Variants in CBX5 observed in about 807,000 individuals in gnomAD.
CBX5 encodes chromobox 5.
CBX5 carries 7 observed loss-of-function variants against 20.7 expected under a neutral mutation model. That is an observed-to-expected ratio of 0.34 (90% CI 0.19 to 0.63). The LOEUF (loss-of-function observed/expected upper bound fraction) is 0.63, where lower values mean the gene tolerates loss of function less well. CBX5 is among the 30% of genes least tolerant of loss of function. The pLI is 0.75. For synonymous variants in CBX5, 78 were observed against 77.0 expected (o/e 1.01, Z -0.07); for missense variants, 110 against 224.1 (o/e 0.49, Z 3.25).
chr12:54,257,835 A>G (rs1943877548), intron 1 of CBX5, 143 bp from the exon 2 acceptor site: 4 of 594,536 alleles, frequency 6.7e-6, no homozygotes, highest in East Asian at 2.8e-5. Flanking sequence ...GATGAGTCCT[A>G]AGAGTTTAAT....
chr12:54,256,074 A>C (rs1943860357), intron 2 of CBX5, among the ~76,000 whole-genome samples: 1 of 152,230 alleles, frequency 6.6e-6, no homozygotes, highest in Non-Finnish European at 1.5e-5. Context: ...TGTCTACCCC[A>C]AACCTTACCT....
Position 54,239,285 on chromosome 12 carries a change from C to G in CBX5, c.*2470G>C, listed in dbSNP as rs901214424. The G allele has an allele frequency of 6.6e-6, 1 of 152,230 alleles. No homozygotes were observed. Among genetic ancestry groups the G allele is most frequent in the Admixed American group, 6.5e-5 (1 of 15,286 alleles). 9.4% of individuals were successfully genotyped at this position (152,230 alleles called of 1,614,324 possible). On this transcript the variant is annotated 3_prime_UTR_variant, in exon 5 of 5. Transcript: ENST00000209875. ...TCTTAAATATTACCTATAACCACAG[C>G]AGCCACATGCCCCAGGTTTCTCAGA... is the stretch of plus-strand genomic sequence containing the variant.
chr12:54,238,634 A>G lies in CBX5; in HGVS notation c.*3121T>C, dbSNP rs1943646632. The G allele has an allele frequency of 6.6e-6, 1 of 152,232 alleles. No individual in the cohort carries two copies. The highest frequency in any genetic ancestry group is 1.5e-5 in the Non-Finnish European group (1 of 68,044). The allele number at this position is 152,232 out of a possible 1,614,324, so 9.4% of individuals were successfully genotyped here. On this transcript the variant is annotated 3_prime_UTR_variant, in exon 5 of 5. Coordinates refer to ENST00000209875, the MANE Select transcript of CBX5 (RefSeq NM_012117.3). Reference sequence around the variant, plus strand: ...AACTAGATTGTTATTTGAAGAAGAAAACATCATGGTTCTCTCCAGGTTTAA... The same window carrying G: ...AACTAGATTGTTATTTGAAGAAGAAGACATCATGGTTCTCTCCAGGTTTAA...
In CBX5 at chr12:54,275,419, T is replaced by A. The variant is rs190445963; in HGVS notation, c.-43+4589A>T. Among the ~76,000 whole-genome samples the A allele has an allele frequency of 1.8e-3, 273 of 152,064 alleles. 1 individual carries two copies. The East Asian group carries it at 0.029, about 16-fold the overall frequency. ...ACCACGCCCGGCTAATTTTTTGTAT[T>A]TTTAGCGGAGATGGGGTTTCACCGT... On this transcript the variant is annotated intron_variant, in intron 1 of 4. Transcript: ENST00000209875.
chr12:54,273,074 G>C (rs1944025336), intron 1 of CBX5: 1 of 152,176 alleles, frequency 6.6e-6, no homozygotes, highest in Admixed American at 6.5e-5. Context: ...CTGAATGATG[G>C]CCCTCCCCCA....
chr12:54,252,468 A>G (rs187409836), intron 2 of CBX5: 2 of 389,560 alleles, frequency 5.1e-6, no homozygotes, highest in Non-Finnish European at 8.9e-6. Context: ...CAAAAACAGA[A>G]AACAAATTCA....
intron 3 of CBX5, 57 bp downstream of exon 3, chr12:54,251,984 T>C (rs1000858255): frequency 4.3e-5 from 59 of 1,361,964 alleles, no homozygotes; most frequent in Non-Finnish European, 5.8e-5. Context: ...TTTTATTTAT[T>C]ATTATTATTT....
In CBX5 at chr12:54,241,863, A is replaced by G; in HGVS notation, c.468T>C (p.Ala156=). The change falls in exon 5 of 5, where the codon GCT becomes GCC. Residue 156 remains alanine, a synonymous_variant. Coordinates refer to ENST00000209875, the MANE Select transcript of CBX5 (RefSeq NM_012117.3). ...TCACAATTTGTGGACATTTCACATTAGCTTCTTTTGCAAGAACCAGGTCAG... is the reference window on the plus strand; with the variant it reads ...TCACAATTTGTGGACATTTCACATTGGCTTCTTTTGCAAGAACCAGGTCAG... ...DEADLVLAKE[A]NVKCPQIVIA... is the part of the protein sequence containing the mutation. The G allele has an allele frequency of 6.2e-7, 1 of 1,613,926 alleles. No individual in the cohort carries two copies.
intron 1 of CBX5, among the ~76,000 whole-genome samples, chr12:54,261,517 G>A (rs956108726): frequency 1.3e-5 from 2 of 152,108 alleles, no homozygotes; most frequent in South Asian, 2.1e-4. Flanking sequence ...GGATGGTCTC[G>A]ATTTCCTCAT....
rs1367648797 is a variant in CBX5, at chr12:54,234,751, A to C, written c.*7004T>G. On this transcript the variant is annotated 3_prime_UTR_variant, in exon 5 of 5. Coordinates refer to ENST00000209875, the MANE Select transcript of CBX5 (RefSeq NM_012117.3). ...TCCTTCTCTTACTGACCTCAGAAACAAATAGCATTGGAGGATCACTTTCTT... is the reference window on the plus strand; with the variant it reads ...TCCTTCTCTTACTGACCTCAGAAACCAATAGCATTGGAGGATCACTTTCTT... 1.3e-5 allele frequency: 2 copies of C among 152,240 alleles called. No individual in the cohort carries two copies. Among genetic ancestry groups the C allele is most frequent in the Non-Finnish European group, 1.5e-5 (1 of 68,054 alleles). The allele number at this position is 152,240 out of a possible 1,614,324, so 9.4% of individuals were successfully genotyped here.
chr12:54,245,420 G>C (rs918928739), intron 4 of CBX5, among the ~76,000 whole-genome samples: 1 of 152,006 alleles, frequency 6.6e-6, no homozygotes, highest in African/African-American at 2.4e-5. Context: ...CCAATAATTG[G>C]TATCAGTTAA....
chr12:54,244,106 A>G lies in CBX5; in HGVS notation c.425+2009T>C, dbSNP rs371793910. Among the ~76,000 whole-genome samples, 25 of 150,458 alleles carry G rather than the reference A, an allele frequency of 1.7e-4. 1 individual carries two copies. In the East Asian group the frequency reaches 2.3e-3, roughly 14 times the overall value. On this transcript the variant is annotated intron_variant, in intron 4 of 4. Transcript: ENST00000209875. The stretch of plus-strand genomic sequence containing the variant: ...AAGCTCCGCCTCCCGGGTTCACACC[A>G]TTCTCCTGCCTCAGCCTCCCAAGTA...
In CBX5 at chr12:54,232,645, T is replaced by C. The variant is rs1365303316; in HGVS notation, c.*9110A>G. 1 of 151,786 alleles carries C rather than the reference T, an allele frequency of 6.6e-6. No homozygotes were observed. The highest frequency in any genetic ancestry group is 1.5e-5 in the Non-Finnish European group (1 of 67,990). The allele number at this position is 151,786 out of a possible 1,614,324, so 9.4% of individuals were successfully genotyped here. ...TGGGAGCAGAGGGAAGTTGGCAGGA[T>C]ACACCTCATTCCACAAACTAGATTA... On this transcript the variant is annotated 3_prime_UTR_variant, in exon 5 of 5. Transcript: ENST00000209875.
chr12:54,241,985 G>A (rs1943680864), intron 4 of CBX5, 80 bp from the exon 5 acceptor site: 1 of 1,357,038 alleles, frequency 7.4e-7, no homozygotes, highest in Non-Finnish European at 1.0e-6. Context: ...GTCATTATAT[G>A]GATTTAGTTG....
intron 3 of CBX5, among the ~76,000 whole-genome samples, chr12:54,246,902 T>C (rs1217686537): frequency 6.6e-6 from 1 of 152,060 alleles, no homozygotes; most frequent in African/African-American, 2.4e-5. Flanking sequence ...GCTTCTGAAA[T>C]GGTAAAGAAT....
chr12:54,234,426 G>C lies in CBX5; in HGVS notation c.*7329C>G, dbSNP rs556870113. 6.6e-6 allele frequency: 1 copy of C among 152,224 alleles called. No individual in the cohort carries two copies. The highest frequency in any genetic ancestry group is 1.5e-5 in the Non-Finnish European group (1 of 68,014). 9.4% of individuals were successfully genotyped at this position (152,224 alleles called of 1,614,324 possible). ...GCTGACAAACTGACCACTTGGCCTT[G>C]AATCGACTGTTAGGGTCACACCTGC... is the stretch of plus-strand genomic sequence containing the variant. On this transcript the variant is annotated 3_prime_UTR_variant, in exon 5 of 5. Transcript: ENST00000209875.
intron 1 of CBX5, among the ~76,000 whole-genome samples, chr12:54,263,126 C>T (rs932534622): frequency 7.2e-5 from 11 of 152,068 alleles, no homozygotes; most frequent in Non-Finnish European, 7.4e-5. Flanking sequence ...TTTGGTAGGC[C>T]GAGGCGGGCA....
At position 54,236,183 on chromosome 12, in the gene CBX5, T is replaced by C. The variant is rs979374068; in HGVS notation, c.*5572A>G. 3.9e-5 allele frequency: 6 copies of C among 152,268 alleles called. No individual in the cohort carries two copies. Among genetic ancestry groups the C allele is most frequent in the African/African-American group, 7.2e-5 (3 of 41,484 alleles). 9.4% of individuals were successfully genotyped at this position (152,268 alleles called of 1,614,324 possible). ...TATACAACATCAGCCAGTCTGTCTCTGCCCCCAAGTCAGAAATGTGTATTG... is the reference window on the plus strand; with the variant it reads ...TATACAACATCAGCCAGTCTGTCTCCGCCCCCAAGTCAGAAATGTGTATTG... On this transcript the variant is annotated 3_prime_UTR_variant, in exon 5 of 5. Coordinates refer to ENST00000209875, the MANE Select transcript of CBX5 (RefSeq NM_012117.3).
At chr12:54,258,248 G>A (rs1488401259) in intron 1 of CBX5, 1 of 152,178 alleles carries the variant, frequency 6.6e-6, no homozygotes, top group Non-Finnish European at 1.5e-5. Context: ...AACAAATTGA[G>A]CTTGTCCCTT....
Sources: gnomAD v4.1 joint callset for allele counts (sites outside exome capture counted in the v4.1 genomes callset) on GRCh38, gnomAD v4.1.1 for gene constraint, MANE v1.5 for transcripts, NCBI Gene and HGNC (gene_info 2026-07-23, HGNC 2026-07-21) for gene names.